Variants in EPSTI1 observed in about 807,000 individuals in gnomAD.
The protein encoded by EPSTI1 is epithelial stromal interaction 1.
In EPSTI1, 66 loss-of-function variants were observed where a neutral mutation model predicts 49.9. The ratio of observed to expected loss-of-function variants is 1.32; its 90% CI spans 1.08 to 1.62. EPSTI1 has a LOEUF of 1.62. Among genes scored for constraint, EPSTI1 ranks in the 40% most tolerant of loss-of-function variants. EPSTI1 has a pLI of 0.00. For synonymous variants in EPSTI1, 137 were observed against 130.7 expected, an observed-to-expected ratio of 1.05 and a Z score of -0.33; for missense variants, 394 against 365.5, an observed-to-expected ratio of 1.08 and a Z score of -0.64.
intron 8 of EPSTI1, among the ~76,000 whole-genome samples, chr13:42,916,695 A>G (rs1336394179): frequency 6.6e-6 from 1 of 152,250 alleles, no homozygotes; most frequent in Non-Finnish European, 1.5e-5. Flanking sequence ...TTCTATAAGA[A>G]ATAGTGACAG....
At chr13:42,989,323 G>A (rs939314876) in intron 1 of EPSTI1, among the ~76,000 whole-genome samples, 2 of 152,024 alleles carry the variant, frequency 1.3e-5, no homozygotes, top group Admixed American at 1.3e-4. Flanking sequence ...ATTAAGTAAT[G>A]AGGAAACTGA....
intron 2 of EPSTI1, chr13:42,969,543 A>G (rs999974804): frequency 9.0e-6 from 2 of 222,806 alleles, no homozygotes; most frequent in African/African-American, 2.3e-5. Flanking sequence ...TCACGTCAAT[A>G]AGAACTTTCC....
chr13:42,914,296 C>G (rs2037768133), intron 8 of EPSTI1, among the ~76,000 whole-genome samples: 1 of 152,086 alleles, frequency 6.6e-6, no homozygotes, highest in Non-Finnish European at 1.5e-5. Context: ...CTATCCTGAT[C>G]TTAATTATAG....
chr13:42,913,497 T>C (rs1046256091), intron 8 of EPSTI1, among the ~76,000 whole-genome samples: 1 of 152,210 alleles, frequency 6.6e-6, no homozygotes, highest in African/African-American at 2.4e-5. Flanking sequence ...TATCCTAAAA[T>C]GTAGGCTTCC....
intron 6 of EPSTI1, among the ~76,000 whole-genome samples, chr13:42,952,414 G>A (rs1376524362): frequency 6.6e-6 from 1 of 152,148 alleles, no homozygotes; most frequent in Non-Finnish European, 1.5e-5. Flanking sequence ...AAAGCCACCA[G>A]CCCAGCCCCT....
At chr13:42,911,156 T>G (rs2037660615) in intron 8 of EPSTI1, among the ~76,000 whole-genome samples, 1 of 152,164 alleles carries the variant, frequency 6.6e-6, no homozygotes, top group Non-Finnish European at 1.5e-5. Flanking sequence ...GAGAAAAATT[T>G]CATCAGCTAG....
intron 10 of EPSTI1, among the ~76,000 whole-genome samples, chr13:42,891,495 T>C (rs1566091890): frequency 6.6e-6 from 1 of 152,232 alleles, no homozygotes; most frequent in Non-Finnish European, 1.5e-5. Flanking sequence ...AGGAGGGTTT[T>C]TTTTGCCAAA....
In EPSTI1 at chr13:42,991,997, C is replaced by A; in HGVS notation, c.169G>T (p.Val57Leu). The A allele has an allele frequency of 6.2e-7, 1 of 1,613,372 alleles. No homozygotes were observed. Among genetic ancestry groups the A allele is most frequent in the Non-Finnish European group, 8.5e-7 (1 of 1,180,030 alleles). ...ACTCACCGCCTCTGGCCCGCGTGCA[C>A]GACGCTCTCCCGCGAAGGGCCCTTA... ...APKGPSRESV[V>L]HAGQRRTSAY... Residue 57 changes from valine (V) to leucine (L), a missense_variant, in exon 1 of 11, where the codon GTG becomes TTG. Transcript: ENST00000313624.
At chr13:42,902,877 T>C (rs1008241075) in intron 8 of EPSTI1, among the ~76,000 whole-genome samples, 3 of 152,130 alleles carry the variant, frequency 2.0e-5, no homozygotes, top group Non-Finnish European at 2.9e-5. Context: ...GCAGGATGCA[T>C]TCAAAATAAA....
intron 8 of EPSTI1, among the ~76,000 whole-genome samples, chr13:42,907,576 A>G (rs1418534272): frequency 6.6e-6 from 1 of 152,214 alleles, no homozygotes; most frequent in African/African-American, 2.4e-5. Context: ...TCTCACCAGT[A>G]ATAGTACTTC....
At chr13:42,978,404 C>A (rs568637981) in intron 1 of EPSTI1, among the ~76,000 whole-genome samples, 1 of 152,164 alleles carries the variant, frequency 6.6e-6, no homozygotes, top group Non-Finnish European at 1.5e-5. Context: ...AAATAAGAGA[C>A]AAACAGTTGC....
intron 1 of EPSTI1, among the ~76,000 whole-genome samples, chr13:42,985,331 C>A (rs1338115201): frequency 6.6e-6 from 1 of 152,214 alleles, no homozygotes; most frequent in African/African-American, 2.4e-5. Flanking sequence ...AGGGTAGAAT[C>A]AGTCCAAGGC....
intron 10 of EPSTI1, among the ~76,000 whole-genome samples, chr13:42,889,398 C>G (rs1210409616): frequency 6.6e-6 from 1 of 152,138 alleles, no homozygotes; most frequent in Non-Finnish European, 1.5e-5. Context: ...GGGCCTACTG[C>G]TTAAGTGTCT....
At chr13:42,964,998 A>T (rs1306097048) in intron 3 of EPSTI1, among the ~76,000 whole-genome samples, 2 of 152,218 alleles carry the variant, frequency 1.3e-5, no homozygotes, top group Non-Finnish European at 2.9e-5. Flanking sequence ...TAAATCTTAT[A>T]ATTGAACTGA....
intron 1 of EPSTI1, among the ~76,000 whole-genome samples, chr13:42,973,112 T>TA (rs1379094436): frequency 6.6e-6 from 1 of 152,230 alleles, no homozygotes; most frequent in African/African-American, 2.4e-5. Flanking sequence ...GAGTCTCTCT[T>TA]ACGGAAATTT....
chr13:42,904,913 G>T (rs1276408150), intron 8 of EPSTI1, among the ~76,000 whole-genome samples: 1 of 152,190 alleles, frequency 6.6e-6, no homozygotes, highest in Non-Finnish European at 1.5e-5. Context: ...ACACTGGGTA[G>T]CGGCGCTTGA....
intron 6 of EPSTI1, among the ~76,000 whole-genome samples, chr13:42,947,339 A>G (rs1338874833): frequency 6.6e-6 from 1 of 152,202 alleles, no homozygotes; most frequent in East Asian, 1.9e-4. Flanking sequence ...CCATGTATAC[A>G]GTAGTGAGGA....
At chr13:42,893,325 CAGG>C (rs1404753103) in intron 10 of EPSTI1, among the ~76,000 whole-genome samples, 1 of 152,104 alleles carries the variant, frequency 6.6e-6, no homozygotes, top group Non-Finnish European at 1.5e-5. Flanking sequence ...CAAAGTCCCC[CAGG>C]AGGTGGAGAA....
intron 6 of EPSTI1, among the ~76,000 whole-genome samples, chr13:42,948,462 G>GTTTTTTTTT (rs35811528): frequency 7.2e-6 from 1 of 139,618 alleles, no homozygotes; most frequent in African/African-American, 2.7e-5. Flanking sequence ...TGTTTTTTGT[G>GTTTTTTTTT]TTTTTTTTTT....
Sources: allele counts gnomAD v4.1 joint callset (sites outside exome capture counted in the v4.1 genomes callset), GRCh38; gene constraint gnomAD v4.1.1; transcripts MANE v1.5; gene names NCBI Gene and HGNC (gene_info 2026-07-23, HGNC 2026-07-21).